NECTIN3: variants seen among roughly 807,000 people sequenced by gnomAD.
NECTIN3 encodes nectin-3.
A neutral mutation model predicts 49.4 loss-of-function variants in NECTIN3; 8 were observed. The ratio of observed to expected loss-of-function variants is 0.16; its 90% confidence interval spans 0.10 to 0.29. The LOEUF is 0.29. NECTIN3 is among the 10% of genes least tolerant of loss of function. The pLI, the probability that NECTIN3 is intolerant of heterozygous loss-of-function variation, is 1.00. For missense variants in NECTIN3, 581 were observed against 654.6 expected (o/e 0.89, Z 1.23); for synonymous variants, 277 against 241.1 (o/e 1.15, Z -1.38).
intron 4 of NECTIN3, among the ~76,000 whole-genome samples, chr3:111,124,772 T>C (rs1353962088): frequency 2.6e-5 from 4 of 152,176 alleles, no homozygotes; most frequent in Admixed American, 1.3e-4. Flanking sequence ...TCCACCTTTT[T>C]ATTATTGTTT....
chr3:111,151,762 ATTCATGACAGTG>A (rs968896071), intron 7 of NECTIN3, among the ~76,000 whole-genome samples: 6 of 151,922 alleles, frequency 3.9e-5, no homozygotes, highest in Non-Finnish European at 8.8e-5. Flanking sequence ...GTTTGTAAAT[ATTCATGACAGTG>A]TTAGTAGAGA....
chr3:111,098,312 C>T (rs767068526), intron 1 of NECTIN3, among the ~76,000 whole-genome samples: 4 of 152,150 alleles, frequency 2.6e-5, no homozygotes, highest in Non-Finnish European at 5.9e-5. Context: ...AACACATTAT[C>T]ATAAACTAGT....
intron 1 of NECTIN3, among the ~76,000 whole-genome samples, chr3:111,104,500 C>T (rs535957102): frequency 2.6e-5 from 4 of 151,322 alleles, no homozygotes; most frequent in Non-Finnish European, 4.4e-5. Context: ...TTTTATTTTT[C>T]GTAGAGATGG....
chr3:111,185,276 C>T (rs1439491301), intron 7 of NECTIN3, among the ~76,000 whole-genome samples: 1 of 151,896 alleles, frequency 6.6e-6, no homozygotes, highest in East Asian at 1.9e-4. Context: ...CTTACGTCAC[C>T]AGAAAAAAAC....
intron 1 of NECTIN3, chr3:111,072,866 A>C (rs1172136482): frequency 6.8e-6 from 2 of 295,494 alleles, no homozygotes; most frequent in African/African-American, 4.6e-5. Flanking sequence ...GATTTCATGG[A>C]CTGTGTGCCC....
intron 7 of NECTIN3, among the ~76,000 whole-genome samples, chr3:111,149,719 T>A (rs145755925): frequency 0.017 from 2,647 of 151,998 alleles, 71 homozygotes; most frequent in African/African-American, 0.06. Context: ...ATTTTATTTT[T>A]TTTTTTACAT....
Position 111,084,652 on chromosome 3 carries a change from C to G in NECTIN3, c.160+12475C>G, listed in dbSNP as rs77346129. ...TAAGAAATAAAGATATTATTGAGGCCTAAAGTAGGGTTGTAATGGTAGAAA... is the reference window on the plus strand; with the variant it reads ...TAAGAAATAAAGATATTATTGAGGCGTAAAGTAGGGTTGTAATGGTAGAAA... On this transcript the variant is annotated intron_variant, in intron 1 of 5. Coordinates refer to ENST00000485303, the MANE Select transcript of NECTIN3 (RefSeq NM_015480.3). Among the ~76,000 whole-genome samples the G allele has an allele frequency of 5.2e-3, 785 of 151,908 alleles. 9 individuals are homozygous for G. The highest frequency in any genetic ancestry group is 0.018 in the African/African-American group (752 of 41,412).
chr3:111,074,237 A>G (rs1275144246), intron 1 of NECTIN3: 1 of 456,454 alleles, frequency 2.2e-6, no homozygotes, highest in East Asian at 7.0e-5. Context: ...GTATGGAAGC[A>G]AAATTTTCTT....
chr3:111,188,680 A>G (rs2035763071), upstream of NECTIN3, among the ~76,000 whole-genome samples: 1 of 152,202 alleles, frequency 6.6e-6, no homozygotes, highest in South Asian at 2.1e-4. Context: ...TGTAGTTCCC[A>G]AATACTATTA....
In NECTIN3 at chr3:111,112,270, C is replaced by G. The variant is rs913993701; in HGVS notation, c.401C>G (p.Thr134Ser). Residue 134 changes from threonine (T) to serine (S), a missense_variant, in exon 2 of 6, where the codon ACT (threonine) becomes AGT (serine). By Grantham distance (58) the Thr-to-Ser change is moderately conservative (BLOSUM62 1). Around this residue, in one of 3 missense-constraint regions of NECTIN3, gnomAD observed 234 missense variants for 340.6 expected, o/e 0.69. Transcript: ENST00000485303. Reference sequence around the variant, plus strand: ...TACTCACTTAATGATGCAACAATTACTCTGCATAACATAGGATTCTCTGAT... The same window carrying G: ...TACTCACTTAATGATGCAACAATTAGTCTGCATAACATAGGATTCTCTGAT... ...KNYSLNDATI[T>S]LHNIGFSDSG... 4 of 1,613,502 alleles carry G rather than the reference C, an allele frequency of 2.5e-6. No homozygotes were observed. Among genetic ancestry groups the G allele is most frequent in the Non-Finnish European group, 3.4e-6 (4 of 1,179,694 alleles).
rs147727769 is a variant in NECTIN3, at chr3:111,102,472, A to G, written c.161-9558A>G. On this transcript the variant is annotated intron_variant, in intron 1 of 5. Transcript: ENST00000485303. ...TGCCTGTTTCTCTTTTAAATTGTGC[A>G]TGCCTGGTAAAATGTCCAACCCAGG... Among the ~76,000 whole-genome samples, 354 of 152,324 alleles carry G rather than the reference A, an allele frequency of 2.3e-3. 1 individual carries two copies. The highest frequency in any genetic ancestry group is 8.0e-3 in the African/African-American group (334 of 41,580).
chr3:111,167,532 CAATA>C (rs1236158156), intron 7 of NECTIN3, among the ~76,000 whole-genome samples: 3 of 152,034 alleles, frequency 2.0e-5, no homozygotes, highest in Non-Finnish European at 4.4e-5. Context: ...CAAAAAGAAA[CAATA>C]AAAGCTCAAT....
chr3:111,176,898 C>T (rs777312529), intron 7 of NECTIN3, among the ~76,000 whole-genome samples: 1 of 152,132 alleles, frequency 6.6e-6, no homozygotes, highest in Non-Finnish European at 1.5e-5. Context: ...TGTATTGTCT[C>T]ATCTTTCAAT....
chr3:111,072,494 A>T, intron 1 of NECTIN3: 2 of 1,535,770 alleles, frequency 1.3e-6, no homozygotes, highest in South Asian at 1.2e-5. Flanking sequence ...TTCCTCGCTC[A>T]TTCTCTGGGA....
chr3:111,160,344 T>G (rs1025412106), intron 7 of NECTIN3, among the ~76,000 whole-genome samples: 6 of 152,176 alleles, frequency 3.9e-5, no homozygotes, highest in African/African-American at 1.4e-4. Context: ...AATTTAACCT[T>G]TCTTTTAGAT....
chr3:111,142,997 T>G (rs1272042607), intron 5 of NECTIN3, among the ~76,000 whole-genome samples: 1 of 151,890 alleles, frequency 6.6e-6, no homozygotes, highest in Non-Finnish European at 1.5e-5. Context: ...ACTAGAGATG[T>G]ATGACCTTGG....
chr3:111,143,311 CAG>C (rs1392996223), intron 5 of NECTIN3, among the ~76,000 whole-genome samples: 5 of 151,694 alleles, frequency 3.3e-5, no homozygotes, highest in African/African-American at 9.7e-5. Context: ...CCATGAATGA[CAG>C]AGTTATAATG....
chr3:111,076,212 T>C (rs1576062208), intron 1 of NECTIN3, among the ~76,000 whole-genome samples: 1 of 152,144 alleles, frequency 6.6e-6, no homozygotes, highest in Non-Finnish European at 1.5e-5. Flanking sequence ...ATAAAACTTA[T>C]GGGTTATTGT....
chr3:111,127,204 A>G (rs1293735638), intron 5 of NECTIN3, among the ~76,000 whole-genome samples: 2 of 152,252 alleles, frequency 1.3e-5, no homozygotes, highest in Non-Finnish European at 2.9e-5. Flanking sequence ...ATCTTTGTTC[A>G]GATCTAAAAC....
Sources: gnomAD v4.1 joint callset for allele counts (sites outside exome capture counted in the v4.1 genomes callset) on GRCh38, gnomAD v4.1.1 for gene constraint, gnomAD v4.1.1 regional missense constraint, MANE v1.5 for transcripts, NCBI Gene and HGNC (gene_info 2026-07-23, HGNC 2026-07-21) for gene names.